ZNF682: variants seen among roughly 807,000 people sequenced by gnomAD.
ZNF682 encodes zinc finger protein 682.
A neutral mutation model predicts 36.5 loss-of-function variants in ZNF682; 29 were observed. The observed-to-expected ratio is 0.80, with a 90% CI of 0.59 to 1.08. The LOEUF is 1.08. Ranked by LOEUF, ZNF682 falls within the 50% of genes least tolerant of loss-of-function variation. The pLI is 0.00. For synonymous variants in ZNF682, 180 were observed against 197.0 expected (o/e 0.91, Z 0.72); for missense variants, 561 against 579.7 (o/e 0.97, Z 0.33).
chr19:20,012,922 C>CA (rs747073335), intron 3 of ZNF682, among the ~76,000 whole-genome samples: 4 of 151,496 alleles, frequency 2.6e-5, no homozygotes, highest in Non-Finnish European at 5.9e-5. Context: ...GAAGGACAAA[C>CA]AGCAACAAAA....
At chr19:20,004,278 A>AATTT (rs551194275), downstream of ZNF682, 285 of 152,338 alleles carry the variant, frequency 1.9e-3, no homozygotes, top group African/African-American at 6.6e-3. Context: ...TAAAGTCACT[A>AATTT]AGGATAAGAA....
At chr19:20,029,520 G>A (rs2088461811) in intron 1 of ZNF682, among the ~76,000 whole-genome samples, 1 of 150,336 alleles carries the variant, frequency 6.7e-6, no homozygotes, top group Admixed American at 6.6e-5. Flanking sequence ...AGAACTGCTT[G>A]AACTTGGGAG....
intron 1 of ZNF682, among the ~76,000 whole-genome samples, chr19:20,024,647 G>A (rs956186416): frequency 1.3e-5 from 2 of 152,146 alleles, no homozygotes; most frequent in East Asian, 1.9e-4. Context: ...AGACCAGCCT[G>A]GCCAACATGG....
downstream of ZNF682, among the ~76,000 whole-genome samples, chr19:20,000,664 A>C (rs1599598795): frequency 6.6e-6 from 1 of 152,178 alleles, no homozygotes. Flanking sequence ...GAATCCCAAG[A>C]CTTTAAGCTG....
rs971561385 is a variant in ZNF682 at position 20,031,650 on chromosome 19, A to C, written c.4-7274T>G. 2.6e-5 allele frequency among the ~76,000 whole-genome samples: 4 copies of C among 152,110 alleles called. No homozygotes were observed. The East Asian group carries it at 7.7e-4, about 29-fold the overall frequency. On this transcript the variant is annotated intron_variant, in intron 1 of 3. Transcript: ENST00000397165. ...ATGGAGACTGCTCTAACACATTATA[A>C]ATGATATGTCGGCCGGGCACGGTGG... is the stretch of plus-strand genomic sequence containing the variant.
At chr19:20,038,817 C>T (rs1476291610) in intron 1 of ZNF682, among the ~76,000 whole-genome samples, 1 of 152,192 alleles carries the variant, frequency 6.6e-6, no homozygotes, top group East Asian at 1.9e-4. Flanking sequence ...TTTGCTTCAT[C>T]CTGCACTTTA....
chr19:20,013,883 C>A (rs2088311944), intron 3 of ZNF682, among the ~76,000 whole-genome samples: 1 of 151,898 alleles, frequency 6.6e-6, no homozygotes, highest in African/African-American at 2.4e-5. Flanking sequence ...CCTGGCCTAG[C>A]AAACTTTTAA....
chr19:20,017,690 A>C (rs541477846), intron 3 of ZNF682, among the ~76,000 whole-genome samples: 26 of 152,312 alleles, frequency 1.7e-4, no homozygotes, highest in African/African-American at 6.0e-4. Flanking sequence ...AACTTAAAAC[A>C]TTACAGACCA....
rs6511066 is a variant in ZNF682, at chr19:20,021,676, T to G, written c.226+1328A>C. Among the ~76,000 whole-genome samples the G allele has an allele frequency of 2.6e-5, 4 of 152,166 alleles. No individual in the cohort carries two copies. The South Asian group carries it at 8.3e-4, about 32-fold the overall frequency. ...GGTCCCCACACGTATATGTGTGGGT[T>G]TATTTGTGTGTATATGTATACACAC... is the stretch of plus-strand genomic sequence containing the variant. On this transcript the variant is annotated intron_variant, in intron 3 of 3. Transcript: ENST00000397165.
intron 1 of ZNF682, among the ~76,000 whole-genome samples, chr19:20,032,456 T>C (rs961893929): frequency 6.6e-6 from 1 of 152,164 alleles, no homozygotes; most frequent in African/African-American, 2.4e-5. Flanking sequence ...CAAGGGACTA[T>C]AGATCACAAA....
chr19:20,016,939 A>G (rs1480600622), intron 3 of ZNF682, among the ~76,000 whole-genome samples: 1 of 152,188 alleles, frequency 6.6e-6, no homozygotes, highest in Non-Finnish European at 1.5e-5. Flanking sequence ...ATAATGTGAC[A>G]CTAATAACAA....
intron 1 of ZNF682, among the ~76,000 whole-genome samples, chr19:20,037,669 C>T (rs1213357813): frequency 4.6e-5 from 7 of 152,170 alleles, no homozygotes; most frequent in Non-Finnish European, 1.0e-4. Context: ...CACTGTGTCC[C>T]TTAGATGCAT....
At chr19:20,025,480 A>G (rs905809316) in intron 1 of ZNF682, among the ~76,000 whole-genome samples, 3 of 152,136 alleles carry the variant, frequency 2.0e-5, no homozygotes, top group Admixed American at 2.0e-4. Flanking sequence ...GATCGAGGCC[A>G]TCCTGGCTAA....
chr19:20,021,918 C>T (rs1030889047), intron 3 of ZNF682, among the ~76,000 whole-genome samples: 8 of 151,992 alleles, frequency 5.3e-5, no homozygotes, highest in African/African-American at 1.7e-4. Flanking sequence ...CACCTGTAAT[C>T]CCAGCACTTT....
At position 19,997,312 on chromosome 19, in the gene ZNF682, G is replaced by T. The variant is rs2088133845; in HGVS notation, c.227-49C>A. On this transcript the variant is annotated intron_variant, in intron 3 of 3. Coordinates refer to the ZNF682 transcript ENST00000596019. ...CCCATCTCAGCCTAGCATAGACAAT[G>T]GCTACAGCAAAGCCTTTTCATACCT... is the stretch of plus-strand genomic sequence containing the variant. The T allele has an allele frequency of 1.3e-5, 5 of 398,452 alleles. No individual in the cohort carries two copies. The Admixed American group carries it at 2.2e-4, about 18-fold the overall frequency. The allele number at this position is 398,452 out of a possible 1,614,324, so 24.7% of individuals were successfully genotyped here. A position where few individuals can be genotyped will look rare whatever the true frequency, so the allele number is the denominator to read the frequency against.
chr19:20,030,287 G>A (rs976812852), intron 1 of ZNF682, among the ~76,000 whole-genome samples: 1 of 152,112 alleles, frequency 6.6e-6, no homozygotes, highest in Admixed American at 6.6e-5. Context: ...AATAACTATA[G>A]GGCTGGGCGC....
intron 1 of ZNF682, among the ~76,000 whole-genome samples, chr19:20,032,987 C>T (rs1186323668): frequency 1.3e-5 from 2 of 152,130 alleles, no homozygotes; most frequent in Non-Finnish European, 2.9e-5. Flanking sequence ...ACTGTGGTGC[C>T]AGGTGCGGTG....
intron 3 of ZNF682, among the ~76,000 whole-genome samples, chr19:20,011,880 A>G (rs988609897): frequency 6.6e-6 from 1 of 152,064 alleles, no homozygotes; most frequent in African/African-American, 2.4e-5. Flanking sequence ...TACTAAAAAT[A>G]TAAGAAATTA....
intron 3 of ZNF682, among the ~76,000 whole-genome samples, chr19:20,010,546 G>T (rs2088275891): frequency 6.6e-6 from 1 of 151,862 alleles, no homozygotes; most frequent in Admixed American, 6.6e-5. Flanking sequence ...GTAGTCCCAG[G>T]TACTCGGGAG....
Sources: allele counts gnomAD v4.1 joint callset (sites outside exome capture counted in the v4.1 genomes callset), GRCh38; gene constraint gnomAD v4.1.1; transcripts MANE v1.5; gene names NCBI Gene and HGNC (gene_info 2026-07-23, HGNC 2026-07-21).